SGCD: variants seen among roughly 807,000 people sequenced by gnomAD.
SGCD encodes delta-sarcoglycan.
SGCD carries 18 observed loss-of-function variants against 36.6 expected under a neutral mutation model. The ratio of observed to expected loss-of-function variants is 0.49; its 90% CI spans 0.34 to 0.73. The LOEUF is 0.73. SGCD is among the 30% of genes least tolerant of loss of function. The pLI is 0.01. For missense variants in SGCD, 387 were observed against 346.7 expected (o/e 1.12, Z -0.92); for synonymous variants, 133 against 130.6 (o/e 1.02, Z -0.12).
chr5:155,743,298 T>G, the SGCD span, among the ~76,000 whole-genome samples: 1 of 152,186 alleles, frequency 6.6e-6, no homozygotes, highest in Non-Finnish European at 1.5e-5. Context: ...GATGCTCCTA[T>G]CACCGGGAAG....
chr5:156,267,169 G>A (rs918445790), intron 3 of SGCD, among the ~76,000 whole-genome samples: 7 of 152,164 alleles, frequency 4.6e-5, no homozygotes, highest in South Asian at 2.1e-4. Context: ...TACATAACAA[G>A]TATTGAGTGC....
At chr5:156,188,437 C>T (rs1763812626) in intron 3 of SGCD, among the ~76,000 whole-genome samples, 1 of 152,122 alleles carries the variant, frequency 6.6e-6, no homozygotes, top group Non-Finnish European at 1.5e-5. Context: ...AAGGAGGTCT[C>T]AGGCTAGTTC....
At chr5:155,819,686 GC>G in the SGCD span, among the ~76,000 whole-genome samples, 1 of 152,138 alleles carries the variant, frequency 6.6e-6, no homozygotes, top group Non-Finnish European at 1.5e-5. Flanking sequence ...GTCCGACTGA[GC>G]ATCCGTGTGT....
At chr5:155,844,625 T>A in the SGCD span, among the ~76,000 whole-genome samples, 1 of 152,210 alleles carries the variant, frequency 6.6e-6, no homozygotes, top group Admixed American at 6.5e-5. Context: ...TTCCAGTCAC[T>A]TCTTAATTGC....
rs536401762 is a variant in SGCD at position 155,874,868 on chromosome 5, GTTAAAC to G, written c.-282+4450_-282+4455del. Among the ~76,000 whole-genome samples, 256 of 152,232 alleles carry G rather than the reference GTTAAAC, an allele frequency of 1.7e-3. 1 individual carries two copies. The highest frequency in any genetic ancestry group is 5.8e-3 in the African/African-American group (242 of 41,544). ...AAACAGTTTAACAGTTTTCGAAGAA[GTTAAAC>G]TTAAAATCACTTATTATCCAACCAT... is the stretch of plus-strand genomic sequence containing the variant. On this transcript the variant is annotated intron_variant, in intron 1 of 9. Transcript: ENST00000517913.
At chr5:156,311,233 C>G (rs373358858) in intron 3 of SGCD, among the ~76,000 whole-genome samples, 2 of 152,196 alleles carry the variant, frequency 1.3e-5, no homozygotes, top group East Asian at 3.9e-4. Context: ...GACTAGATTC[C>G]CTGCTGTCTT....
At chr5:156,727,472 G>A (rs1755836550) in intron 7 of SGCD, among the ~76,000 whole-genome samples, 1 of 152,206 alleles carries the variant, frequency 6.6e-6, no homozygotes, top group Admixed American at 6.5e-5. Flanking sequence ...GATAGACCAA[G>A]TACTACCTTC....
intron 4 of SGCD, among the ~76,000 whole-genome samples, chr5:156,513,128 A>G (rs918532116): frequency 6.6e-6 from 1 of 152,234 alleles, no homozygotes. Context: ...GAAATCAAGT[A>G]TATTGGCATG....
the SGCD span, among the ~76,000 whole-genome samples, chr5:155,753,314 T>C: frequency 0.038 from 5,408 of 143,656 alleles, 469 homozygotes; most frequent in African/African-American, 0.15. Flanking sequence ...TCCAGCCTGG[T>C]GACAGAGCGA....
chr5:155,996,352 TC>T (rs1758544300), intron 1 of SGCD, among the ~76,000 whole-genome samples: 1 of 152,178 alleles, frequency 6.6e-6, no homozygotes, highest in Non-Finnish European at 1.5e-5. Flanking sequence ...GCCATGCCTT[TC>T]CCTCTGTATC....
intron 3 of SGCD, among the ~76,000 whole-genome samples, chr5:156,249,300 T>C (rs891609429): frequency 8.5e-5 from 13 of 152,096 alleles, no homozygotes; most frequent in African/African-American, 2.9e-4. Context: ...TGAGATATTA[T>C]GGAAGCTGGG....
intron 3 of SGCD, among the ~76,000 whole-genome samples, chr5:156,395,476 C>T (rs1055818014): frequency 6.6e-6 from 1 of 152,198 alleles, no homozygotes; most frequent in African/African-American, 2.4e-5. Flanking sequence ...TCCTGCAAGT[C>T]TGACTTTTAG....
At chr5:156,200,361 T>C (rs1042988779) in intron 3 of SGCD, among the ~76,000 whole-genome samples, 3 of 152,078 alleles carry the variant, frequency 2.0e-5, no homozygotes, top group African/African-American at 7.2e-5. Flanking sequence ...TATGAACCTT[T>C]GCATATATGG....
At chr5:156,525,416 G>A (rs1162371278) in intron 4 of SGCD, among the ~76,000 whole-genome samples, 5 of 151,840 alleles carry the variant, frequency 3.3e-5, no homozygotes, top group African/African-American at 1.2e-4. Context: ...TTTTAAATTT[G>A]GGTTATTTAG....
chr5:156,613,898 A>G (rs78635810), intron 6 of SGCD, among the ~76,000 whole-genome samples: 2,670 of 152,270 alleles, frequency 0.018, 32 homozygotes, highest in Non-Finnish European at 0.029. Flanking sequence ...TGCCCTGAAT[A>G]AATGCATTTG....
chr5:156,306,820 A>G (rs529517795), intron 3 of SGCD, among the ~76,000 whole-genome samples: 15 of 152,282 alleles, frequency 9.9e-5, no homozygotes, highest in African/African-American at 3.6e-4. Context: ...CTATTTGGCC[A>G]TCTTGCTCTG....
chr5:156,688,737 G>A lies in SGCD; in HGVS notation c.575+41201G>A, dbSNP rs367752038. Among the ~76,000 whole-genome samples, 12 of 152,278 alleles carry A rather than the reference G, an allele frequency of 7.9e-5. No homozygotes were observed. In the East Asian group the frequency reaches 1.2e-3, roughly 15 times the overall value. ...GGGTTCCTTCCCCACCCCTTGACTC[G>A]ATGGCTCTGTTGGATGGTATTCAGT... On this transcript the variant is annotated intron_variant, in intron 7 of 8. Transcript: ENST00000337851.
intron 1 of SGCD, among the ~76,000 whole-genome samples, chr5:156,029,458 G>A (rs745675371): frequency 9.2e-5 from 14 of 152,130 alleles, no homozygotes; most frequent in Non-Finnish European, 1.9e-4. Context: ...TGCATGACAA[G>A]CCTTGGAGAT....
rs1443520281 is a variant in SGCD, at chr5:156,360,373, G to A, written c.192+15696G>A. ...AGCAATTTTCTTGCCTCAGCCTCCT[G>A]AGTAGCTGGGATTACAGGCACCTGC... On this transcript the variant is annotated intron_variant, in intron 3 of 8. Transcript: ENST00000337851. Among the ~76,000 whole-genome samples the A allele has an allele frequency of 2.8e-4, 42 of 151,516 alleles. 3 individuals are homozygous for A. Among genetic ancestry groups the A allele is most frequent in the Non-Finnish European group, 1.5e-5 (1 of 67,948 alleles).
Sources: allele counts gnomAD v4.1 joint callset (sites outside exome capture counted in the v4.1 genomes callset), GRCh38; gene constraint gnomAD v4.1.1; transcripts MANE v1.5; gene names NCBI Gene and HGNC (gene_info 2026-07-23, HGNC 2026-07-21).